MYRIP: variants seen among roughly 807,000 people sequenced by gnomAD.
MYRIP encodes rab effector MyRIP.
A neutral mutation model predicts 98.0 loss-of-function variants in MYRIP; 49 were observed. That is an observed-to-expected ratio of 0.50 (90% CI 0.40 to 0.63). The LOEUF is 0.63. MYRIP is among the 30% of genes least tolerant of loss of function. MYRIP has a pLI of 0.00. For missense variants in MYRIP, 1,004 were observed against 1,058.2 expected (o/e 0.95, Z 0.71); for synonymous variants, 404 against 409.5 (o/e 0.99, Z 0.16).
intron 11 of MYRIP, among the ~76,000 whole-genome samples, chr3:40,219,405 T>C (rs771313395): frequency 2.6e-5 from 4 of 152,236 alleles, no homozygotes; most frequent in Non-Finnish European, 4.4e-5. Flanking sequence ...TACATATGTA[T>C]ACATGTGCCA....
chr3:40,259,679 G>A lies in MYRIP; in HGVS notation c.*1513G>A, dbSNP rs1953708701. On this transcript the variant is annotated 3_prime_UTR_variant, in exon 17 of 17. Transcript: ENST00000302541. ...TTGTGTGCTATGATCCACTCCTGAT[G>A]GGGGTCTACATTAATCTTCCAGTAC... is the stretch of plus-strand genomic sequence containing the variant. The A allele has an allele frequency of 6.6e-6, 1 of 152,208 alleles. No homozygotes were observed. The highest frequency in any genetic ancestry group is 1.5e-5 in the Non-Finnish European group (1 of 68,022). 9.4% of individuals were successfully genotyped at this position (152,208 alleles called of 1,614,324 possible). A position where few individuals can be genotyped will look rare whatever the true frequency, so the allele number is the denominator to read the frequency against.
chr3:40,014,601 C>T (rs1046374896), intron 2 of MYRIP, among the ~76,000 whole-genome samples: 1 of 152,174 alleles, frequency 6.6e-6, no homozygotes, highest in Non-Finnish European at 1.5e-5. Context: ...CTCACATGTA[C>T]AATGAGGACA....
chr3:39,882,852 G>A (rs531167531), intron 1 of MYRIP, among the ~76,000 whole-genome samples: 99 of 152,028 alleles, frequency 6.5e-4, no homozygotes, highest in African/African-American at 2.2e-3. Context: ...CCTCCCCACT[G>A]CACCTGCCCC....
chr3:39,997,927 CA>C, intron 2 of MYRIP, among the ~76,000 whole-genome samples: 1 of 152,108 alleles, frequency 6.6e-6, no homozygotes, highest in Non-Finnish European at 1.5e-5. Context: ...GAATCAATGA[CA>C]AAAACCACAT....
chr3:40,045,864 A>G (rs1007063886), intron 3 of MYRIP, among the ~76,000 whole-genome samples: 1 of 152,170 alleles, frequency 6.6e-6, no homozygotes, highest in Non-Finnish European at 1.5e-5. Flanking sequence ...AAAAACAGAA[A>G]GGGGCTATGG....
chr3:39,919,686 T>G (rs1944255884), intron 2 of MYRIP, among the ~76,000 whole-genome samples: 1 of 144,840 alleles, frequency 6.9e-6, no homozygotes. Flanking sequence ...TGTGTGCGGG[T>G]ATGTGTGGTG....
At chr3:39,852,161 T>C (rs916835742) in intron 1 of MYRIP, among the ~76,000 whole-genome samples, 2 of 152,188 alleles carry the variant, frequency 1.3e-5, no homozygotes, top group Non-Finnish European at 2.9e-5. Context: ...GGGAGCCTGG[T>C]CAGTGATCCC....
At chr3:39,851,204 A>T (rs1360110074) in intron 1 of MYRIP, among the ~76,000 whole-genome samples, 2 of 151,776 alleles carry the variant, frequency 1.3e-5, no homozygotes, top group Non-Finnish European at 2.9e-5. Flanking sequence ...ATAATCTATG[A>T]TGGATGTATG....
At chr3:40,177,378 G>T (rs1379714360) in intron 8 of MYRIP, among the ~76,000 whole-genome samples, 1 of 152,144 alleles carries the variant, frequency 6.6e-6, no homozygotes, top group Non-Finnish European at 1.5e-5. Flanking sequence ...TGACCTACAG[G>T]CTGTGGAGGG....
At chr3:39,811,341 T>C (rs933120556) in intron 1 of MYRIP, among the ~76,000 whole-genome samples, 5 of 152,124 alleles carry the variant, frequency 3.3e-5, no homozygotes, top group African/African-American at 1.2e-4. Flanking sequence ...TCATAGGATA[T>C]GATAAATGTG....
At chr3:39,809,547 C>T (rs903340403), upstream of MYRIP, 1 of 150,534 alleles carries the variant, frequency 6.6e-6, no homozygotes, top group Non-Finnish European at 1.5e-5. Flanking sequence ...CAGGCTCCCC[C>T]GCTCCGGGCG....
chr3:39,916,011 C>G (rs979520122), intron 2 of MYRIP, among the ~76,000 whole-genome samples: 1 of 152,008 alleles, frequency 6.6e-6, no homozygotes, highest in Non-Finnish European at 1.5e-5. Flanking sequence ...AGAAAAAAGA[C>G]ACTTGCTAGT....
chr3:39,972,823 G>A lies in MYRIP; in HGVS notation c.111-71227G>A, dbSNP rs573909923. On this transcript the variant is annotated intron_variant, in intron 2 of 16. Coordinates refer to ENST00000302541, the MANE Select transcript of MYRIP (RefSeq NM_015460.4). ...CTTTCCATAGTGGCAGTGAAGCTAG[G>A]GTACATTGACGGGCTTCTTCTTTGG... Among the ~76,000 whole-genome samples the A allele has an allele frequency of 7.0e-4, 105 of 150,316 alleles. 1 individual carries two copies. The highest frequency in any genetic ancestry group is 1.5e-3 in the Admixed American group (23 of 14,982).
intron 1 of MYRIP, among the ~76,000 whole-genome samples, chr3:39,827,106 T>C (rs1400698432): frequency 6.6e-6 from 1 of 152,190 alleles, no homozygotes; most frequent in Non-Finnish European, 1.5e-5. Context: ...ATTTTAATTT[T>C]TAATTTTTTG....
At chr3:40,153,690 A>G (rs1164968690) in intron 4 of MYRIP, among the ~76,000 whole-genome samples, 5 of 152,214 alleles carry the variant, frequency 3.3e-5, no homozygotes, top group Admixed American at 3.3e-4. Flanking sequence ...TTCCAGCTCT[A>G]TCTAATGGTA....
intron 2 of MYRIP, among the ~76,000 whole-genome samples, chr3:39,949,118 A>T (rs1210185586): frequency 6.6e-6 from 1 of 152,192 alleles, no homozygotes; most frequent in African/African-American, 2.4e-5. Flanking sequence ...ATGCAAAAAT[A>T]CTGAAAGAGA....
Position 40,204,166 on chromosome 3 carries a change from ATAT to A in MYRIP, c.1666-5686_1666-5684del, listed in dbSNP as rs1951718646. Among the ~76,000 whole-genome samples, 2 of 2,092 alleles carry A rather than the reference ATAT, an allele frequency of 9.6e-4. 1 individual carries two copies. Among genetic ancestry groups the A allele is most frequent in the Non-Finnish European group, 3.7e-3 (2 of 542 alleles). The allele number at this position is 2,092 out of a possible 152,430, so 1.4% of individuals were successfully genotyped here. On this transcript the variant is annotated intron_variant, in intron 10 of 16. Coordinates refer to ENST00000302541, the MANE Select transcript of MYRIP (RefSeq NM_015460.4). ...ATATAATATATAAATATATAATATA[ATAT>A]TTATATATTATATAATATATAAATA...
chr3:39,907,038 A>G (rs185694594), intron 2 of MYRIP, among the ~76,000 whole-genome samples: 8 of 152,170 alleles, frequency 5.3e-5, no homozygotes, highest in Non-Finnish European at 1.0e-4. Flanking sequence ...GCCTGGCATC[A>G]ATTGGAGTGC....
chr3:40,091,278 C>A (rs1340326490), intron 3 of MYRIP, among the ~76,000 whole-genome samples: 1 of 137,314 alleles, frequency 7.3e-6, no homozygotes, highest in Non-Finnish European at 1.6e-5. Flanking sequence ...GGTTTCCTGG[C>A]CAGATGCTTC....
Sources: gnomAD v4.1 joint callset for allele counts (sites outside exome capture counted in the v4.1 genomes callset) on GRCh38, gnomAD v4.1.1 for gene constraint, MANE v1.5 for transcripts, NCBI Gene and HGNC (gene_info 2026-07-23, HGNC 2026-07-21) for gene names.